Variants in C8orf34 observed in about 807,000 individuals in gnomAD.
The protein encoded by C8orf34 is uncharacterized protein C8orf34.
In C8orf34, 65 loss-of-function variants were observed where a neutral mutation model predicts 68.3. The ratio of observed to expected loss-of-function variants is 0.95; its 90% CI spans 0.78 to 1.17. The LOEUF (loss-of-function observed/expected upper bound fraction) is 1.17. Ranked by LOEUF, C8orf34 falls within the 50% of genes most tolerant of loss-of-function variation. C8orf34 has a pLI of 0.00. For synonymous variants in C8orf34, 244 were observed against 241.2 expected (o/e 1.01, Z -0.11); for missense variants, 664 against 655.4 (o/e 1.01, Z -0.14).
At chr8:68,482,434 T>A (rs890608978) in intron 4 of C8orf34, among the ~76,000 whole-genome samples, 1 of 152,200 alleles carries the variant, frequency 6.6e-6, no homozygotes, top group African/African-American at 2.4e-5. Flanking sequence ...GGGTGTTTTT[T>A]AAAATTTATT....
At chr8:68,675,955 G>A (rs1314842935) in intron 8 of C8orf34, among the ~76,000 whole-genome samples, 3 of 152,068 alleles carry the variant, frequency 2.0e-5, no homozygotes, top group African/African-American at 7.2e-5. Flanking sequence ...AGACAAAATC[G>A]ATCTCAGGAC....
chr8:68,402,173 G>A (rs946544995), intron 1 of C8orf34, among the ~76,000 whole-genome samples: 3 of 151,934 alleles, frequency 2.0e-5, no homozygotes, highest in South Asian at 2.1e-4. Context: ...TTTCCTGTGG[G>A]TTCTCTAATT....
chr8:68,771,154 T>G (rs2129528369), intron 10 of C8orf34, among the ~76,000 whole-genome samples: 1 of 152,292 alleles, frequency 6.6e-6, no homozygotes, highest in South Asian at 2.1e-4. Context: ...CATAACAATT[T>G]ATTGGATACA....
At position 68,344,810 on chromosome 8, in the gene C8orf34, GT is replaced by G. The variant is rs1286548717; in HGVS notation, c.327+13473del. ...TGAAAAATCTAAGAGCAAAATATGTGTTAAGCAAACTTTTTGTAATTTTTAT... is the reference window on the plus strand; with the variant it reads ...TGAAAAATCTAAGAGCAAAATATGTGTAAGCAAACTTTTTGTAATTTTTAT... On this transcript the variant is annotated intron_variant, in intron 1 of 13. Transcript: ENST00000518698. Among the ~76,000 whole-genome samples the G allele has an allele frequency of 1.5e-4, 23 of 152,204 alleles. No individual in the cohort carries two copies. The South Asian group carries it at 4.6e-3, about 30-fold the overall frequency.
chr8:68,706,005 G>C (rs771295324), intron 8 of C8orf34, among the ~76,000 whole-genome samples: 1 of 152,180 alleles, frequency 6.6e-6, no homozygotes, highest in Non-Finnish European at 1.5e-5. Flanking sequence ...GATGAGGTCT[G>C]TACTCCTGAT....
At chr8:68,410,012 G>A (rs958006929) in intron 1 of C8orf34, among the ~76,000 whole-genome samples, 5 of 152,160 alleles carry the variant, frequency 3.3e-5, no homozygotes, top group African/African-American at 1.2e-4. Context: ...GCTAGACCAC[G>A]TAGGTTTGTG....
At chr8:68,723,657 G>C (rs1821746730) in intron 10 of C8orf34, among the ~76,000 whole-genome samples, 1 of 151,896 alleles carries the variant, frequency 6.6e-6, no homozygotes, top group Admixed American at 6.6e-5. Context: ...TTTTTGCAAA[G>C]GTTTATCAGC....
In C8orf34 at chr8:68,488,058, T is replaced by G; in HGVS notation, c.765+7T>G. 6.3e-7 allele frequency: 1 copy of G among 1,580,692 alleles called. No homozygotes were observed. Among genetic ancestry groups the G allele is most frequent in the Non-Finnish European group, 8.6e-7 (1 of 1,159,966 alleles). ...TTCAGATGAACTCGATAAGGTAAGT[T>G]GAACTATACATCTGGTGAAAAGAAA... is the stretch of plus-strand genomic sequence containing the variant. On this transcript the variant is annotated splice_region_variant and intron_variant, in intron 5 of 13. Transcript: ENST00000518698.
intron 7 of C8orf34, chr8:68,535,600 T>C: frequency 1.4e-6 from 1 of 691,894 alleles, no homozygotes; most frequent in Non-Finnish European, 1.8e-6. Context: ...GCATTGTTAA[T>C]ATATACTGAT....
At chr8:68,472,991 C>T (rs1812446273) in intron 4 of C8orf34, among the ~76,000 whole-genome samples, 1 of 152,280 alleles carries the variant, frequency 6.6e-6, no homozygotes, top group Middle Eastern at 3.4e-3. Context: ...CACAAAATCT[C>T]TTCCCTTGAG....
chr8:68,695,622 T>C (rs1563614765), intron 8 of C8orf34: 1 of 152,156 alleles, frequency 6.6e-6, no homozygotes, highest in Admixed American at 6.6e-5. Context: ...TTCGTGGTAA[T>C]ATTGTTGCTC....
chr8:68,793,090 T>C (rs1014394420), intron 12 of C8orf34, among the ~76,000 whole-genome samples: 1 of 152,116 alleles, frequency 6.6e-6, no homozygotes, highest in Non-Finnish European at 1.5e-5. Flanking sequence ...TTTTCCAGAA[T>C]TAATGGAAAG....
chr8:68,763,445 TTTC>T (rs527799999), intron 10 of C8orf34, among the ~76,000 whole-genome samples: 401 of 152,310 alleles, frequency 2.6e-3, no homozygotes, highest in Non-Finnish European at 4.2e-3. Flanking sequence ...TTACTCCCTT[TTTC>T]TTCTTCTTCT....
At chr8:68,499,755 C>T (rs765934424) in intron 5 of C8orf34, among the ~76,000 whole-genome samples, 3 of 152,282 alleles carry the variant, frequency 2.0e-5, no homozygotes, top group South Asian at 4.1e-4. Flanking sequence ...AAGGTTAATA[C>T]CTTCAGTGAG....
chr8:68,337,272 GC>G (rs1165649576), intron 1 of C8orf34, among the ~76,000 whole-genome samples: 23 of 152,166 alleles, frequency 1.5e-4, no homozygotes, highest in Admixed American at 9.8e-4. Flanking sequence ...ATGGGATAAA[GC>G]AATATTGTAT....
intron 1 of C8orf34, among the ~76,000 whole-genome samples, chr8:68,346,075 T>C (rs2129618274): frequency 6.6e-6 from 1 of 152,252 alleles, no homozygotes; most frequent in South Asian, 2.1e-4. Flanking sequence ...TGAAATTGTA[T>C]TGAATGAAAT....
intron 7 of C8orf34, among the ~76,000 whole-genome samples, chr8:68,630,974 C>G (rs1045700705): frequency 1.8e-5 from 2 of 113,044 alleles, no homozygotes; most frequent in Non-Finnish European, 3.5e-5. Context: ...TTTTAAAAAA[C>G]AGGGCCCCAG....
At position 68,542,379 on chromosome 8, in the gene C8orf34, A is replaced by C. The variant is rs1416769936; in HGVS notation, c.1105+9230A>C. 2.6e-5 allele frequency among the ~76,000 whole-genome samples: 4 copies of C among 152,150 alleles called. No individual in the cohort carries two copies. In the East Asian group the frequency reaches 7.7e-4, roughly 29 times the overall value. ...AGAGATGTCAGGGAAAAGGGACAAA[A>C]CTTTTCCTTTCTTTTCTTTTTTTCT... On this transcript the variant is annotated intron_variant, in intron 7 of 13. Transcript: ENST00000518698.
intron 10 of C8orf34, among the ~76,000 whole-genome samples, chr8:68,723,285 A>T (rs886630937): frequency 2.0e-5 from 3 of 152,138 alleles, no homozygotes; most frequent in Admixed American, 1.3e-4. Context: ...AGCTACGAGC[A>T]TGTCCCAAAT....
Sources: gnomAD v4.1 joint callset for allele counts (sites outside exome capture counted in the v4.1 genomes callset) on GRCh38, gnomAD v4.1.1 for gene constraint, MANE v1.5 for transcripts, NCBI Gene and HGNC (gene_info 2026-07-23, HGNC 2026-07-21) for gene names.